The following ATR variants were observed in gnomAD, a reference collection of about 807,000 sequenced individuals.
ATR encodes the protein serine/threonine-protein kinase ATR.
ATR carries 142 observed loss-of-function variants against 305.3 expected under a neutral mutation model. The ratio of observed to expected loss-of-function variants is 0.47; its 90% CI spans 0.41 to 0.53. The LOEUF (loss-of-function observed/expected upper bound fraction) is 0.53, where lower values mean the gene tolerates loss of function less well. Among genes scored for constraint, ATR ranks in the 20% least tolerant of loss-of-function variants. The pLI, the probability that ATR is intolerant of heterozygous loss-of-function variation, is 0.00. For synonymous variants in ATR, 1,050 were observed against 1,068.1 expected (o/e 0.98, Z 0.33); for missense variants, 2,135 against 3,133.1 (o/e 0.68, Z 7.60).
At position 142,529,166 on chromosome 3, in the gene ATR, T is replaced by C. The variant is rs1039589769; in HGVS notation, c.3946-4967A>G. On this transcript the variant is annotated intron_variant, in intron 21 of 46. Transcript: ENST00000350721. ...AAGTGCTGGGATTACAGGCGTGAGC[T>C]ACCGTGCCCAGCCTATCCAATATAT... is the stretch of plus-strand genomic sequence containing the variant. Among the ~76,000 whole-genome samples, 153 of 151,770 alleles carry C rather than the reference T, an allele frequency of 1.0e-3. 1 individual carries two copies. The highest frequency in any genetic ancestry group is 3.5e-3 in the African/African-American group (145 of 41,428).
At chr3:142,572,387 T>TTC (rs1188048208) in intron 1 of ATR, among the ~76,000 whole-genome samples, 1 of 147,826 alleles carries the variant, frequency 6.8e-6, no homozygotes, top group African/African-American at 2.5e-5. Context: ...TTTTTTTTTT[T>TTC]TTTTTTTTTT....
intron 42 of ATR, among the ~76,000 whole-genome samples, 183 bp from the exon 43 acceptor site, chr3:142,459,566 A>G (rs1349441355): frequency 6.6e-6 from 1 of 152,186 alleles, no homozygotes; most frequent in African/African-American, 2.4e-5. Flanking sequence ...AAAATAATAA[A>G]CCACATTATC....
chr3:142,513,452 G>A, intron 26 of ATR, 49 bp downstream of exon 26: 1 of 1,594,672 alleles, frequency 6.3e-7, no homozygotes, highest in East Asian at 2.2e-5. Flanking sequence ...TTACATTGGA[G>A]AAAGTAAGTT....
chr3:142,451,967 A>G, intron 46 of ATR: 1 of 1,116,046 alleles, frequency 9.0e-7, no homozygotes, highest in South Asian at 2.4e-5. Flanking sequence ...AACGAAAAGG[A>G]ACATGTCCCA....
At chr3:142,509,545 A>ATTTTTTT (rs71629538) in intron 27 of ATR, among the ~76,000 whole-genome samples, 10 of 73,814 alleles carry the variant, frequency 1.4e-4, no homozygotes, top group East Asian at 4.7e-4. Flanking sequence ...TCAAATTCTG[A>ATTTTTTT]TTTTTTTTTT....
chr3:142,450,492 T>G (rs1344892748), intron 46 of ATR: 8 of 1,603,334 alleles, frequency 5.0e-6, no homozygotes, highest in Non-Finnish European at 6.8e-6. Flanking sequence ...AAGAGAGAGT[T>G]CATCAGGATC....
At chr3:142,572,092 C>T (rs954855521) in intron 1 of ATR, among the ~76,000 whole-genome samples, 14 of 145,990 alleles carry the variant, frequency 9.6e-5, no homozygotes, top group African/African-American at 3.3e-4. Flanking sequence ...TCTTTTGAGA[C>T]GGAGTCTCGC....
chr3:142,524,142 A>C lies in ATR; in HGVS notation c.4003T>G (p.Leu1335Val). 1 of 1,614,096 alleles carries C rather than the reference A, an allele frequency of 6.2e-7. No homozygotes were observed. Among genetic ancestry groups the C allele is most frequent in the Non-Finnish European group, 8.5e-7 (1 of 1,179,978 alleles). Residue 1335 changes from leucine to valine, a missense_variant, in exon 22 of 47, where the codon TTG becomes GTG. By Grantham distance (32) the Leu-to-Val change is conservative. Around this residue, in one of 9 missense-constraint regions of ATR, gnomAD observed 530 missense variants for 766.8 expected, o/e 0.69. Coordinates refer to ENST00000350721, the MANE Select transcript of ATR (RefSeq NM_001184.4). Reference sequence around the variant, plus strand: ...CAACCTTTCAAAAGCACTGTCACCAACTGTGAGATAATAGGTTCTACTGTT... The same window carrying C: ...CAACCTTTCAAAAGCACTGTCACCACCTGTGAGATAATAGGTTCTACTGTT... ...SETVEPIISQ[L>V]VTVLLKGCQD...
rs146282813 is a variant in ATR at position 142,538,118 on chromosome 3, T to C, written c.3725+364A>G. 6.6e-5 allele frequency among the ~76,000 whole-genome samples: 10 copies of C among 152,260 alleles called. No individual in the cohort carries two copies. In the East Asian group the frequency reaches 1.9e-3, roughly 29 times the overall value. Reference sequence around the variant, plus strand: ...TTCAAAGCTTAACGCAATGAGGTAATAAGGGTTTCAACTAAGGTAAGCTGC... The same window carrying C: ...TTCAAAGCTTAACGCAATGAGGTAACAAGGGTTTCAACTAAGGTAAGCTGC... On this transcript the variant is annotated intron_variant, in intron 19 of 46. Coordinates refer to ENST00000350721, the MANE Select transcript of ATR (RefSeq NM_001184.4).
At chr3:142,514,614 A>G (rs1445507013) in intron 25 of ATR, among the ~76,000 whole-genome samples, 1 of 149,916 alleles carries the variant, frequency 6.7e-6, no homozygotes, top group East Asian at 2.0e-4. Flanking sequence ...AGCCTGGGCG[A>G]CAGAGTGAGA....
chr3:142,553,964 T>C lies in ATR; in HGVS notation c.2393A>G (p.Asp798Gly). ...HLCKHLDFREDETDVKAVLGT... is the reference protein window; with the variant it reads ...HLCKHLDFREGETDVKAVLGT... Reference sequence around the variant, plus strand: ...AAGAACTGCTTTTACATCTGTTTCATCTTCTCTAAAATCAAGATGCTTACA... The same window carrying C: ...AAGAACTGCTTTTACATCTGTTTCACCTTCTCTAAAATCAAGATGCTTACA... The change falls in exon 11 of 47, where the codon GAT becomes GGT. Residue 798 changes from aspartate to glycine, a missense_variant. Transcript: ENST00000350721. 1 of 1,611,074 alleles carries C rather than the reference T, an allele frequency of 6.2e-7. No homozygotes were observed. The highest frequency in any genetic ancestry group is 8.5e-7 in the Non-Finnish European group (1 of 1,178,758).
intron 8 of ATR, among the ~76,000 whole-genome samples, chr3:142,558,131 C>G (rs1356043082): frequency 6.6e-6 from 1 of 152,048 alleles, no homozygotes; most frequent in Non-Finnish European, 1.5e-5. Context: ...TTTTATGTAT[C>G]TAACCCCCTT....
At chr3:142,534,204 A>C (rs1434117175) in intron 21 of ATR, among the ~76,000 whole-genome samples, 1 of 152,162 alleles carries the variant, frequency 6.6e-6, no homozygotes, top group Non-Finnish European at 1.5e-5. Context: ...ATTGTAGTTT[A>C]GAGCAGGAAT....
chr3:142,502,328 A>G (rs1367922570), intron 30 of ATR, among the ~76,000 whole-genome samples: 1 of 152,194 alleles, frequency 6.6e-6, no homozygotes, highest in Non-Finnish European at 1.5e-5. Flanking sequence ...GTGCCCATCA[A>G]TGGTAGATGG....
At chr3:142,540,437 T>C (rs1160363950) in intron 18 of ATR, among the ~76,000 whole-genome samples, 1 of 152,174 alleles carries the variant, frequency 6.6e-6, no homozygotes. Flanking sequence ...TTGAGACAAC[T>C]GGAGGAAATG....
chr3:142,452,304 TG>T, intron 46 of ATR: 1 of 988,524 alleles, frequency 1.0e-6, no homozygotes, highest in Non-Finnish European at 1.2e-6. Flanking sequence ...TTAGTAAGCC[TG>T]TACAAGACTT....
In ATR at chr3:142,555,872, C is replaced by T; in HGVS notation, c.2341+5G>A. 3.7e-6 allele frequency: 6 copies of T among 1,607,108 alleles called. No homozygotes were observed. The highest frequency in any genetic ancestry group is 5.1e-6 in the Non-Finnish European group (6 of 1,177,894). ...TAAAGTATTAAATAAGTCATAATCA[C>T]TCACCAAGTTTTACTGGACTAGGTA... On this transcript the variant is annotated splice_donor_5th_base_variant and intron_variant, in intron 10 of 46. Coordinates refer to ENST00000350721, the MANE Select transcript of ATR (RefSeq NM_001184.4).
At chr3:142,473,941 ATTTTTTT>A (rs141622968) in intron 36 of ATR, among the ~76,000 whole-genome samples, 1 of 114,914 alleles carries the variant, frequency 8.7e-6, no homozygotes. Flanking sequence ...AAGTTATTGG[ATTTTTTT>A]TTTTTTTTTT....
In ATR at chr3:142,538,389, AAGTG is replaced by A. The variant is rs2033930407; in HGVS notation, c.3725+89_3725+92del. On this transcript the variant is annotated intron_variant, in intron 19 of 46. Coordinates refer to ENST00000350721, the MANE Select transcript of ATR (RefSeq NM_001184.4). ...TATTGATAAACCCTGAAATTCAAAA[AAGTG>A]ACAGTTTCCACATTACCATCAGTAA... The A allele has an allele frequency of 1.0e-5, 14 of 1,385,162 alleles. No individual in the cohort carries two copies. The South Asian group carries it at 1.7e-4, about 17-fold the overall frequency. 85.8% of individuals were successfully genotyped at this position (1,385,162 alleles called of 1,614,324 possible).
Sources: gnomAD v4.1 joint callset for allele counts (sites outside exome capture counted in the v4.1 genomes callset) on GRCh38, gnomAD v4.1.1 for gene constraint, gnomAD v4.1.1 regional missense constraint, MANE v1.5 for transcripts, NCBI Gene and HGNC (gene_info 2026-07-23, HGNC 2026-07-21) for gene names.